Variants in THEMIS observed in about 807,000 individuals in gnomAD.
THEMIS encodes protein THEMIS.
THEMIS carries 37 observed loss-of-function variants against 52.6 expected under a neutral mutation model. That is an observed-to-expected ratio of 0.70 (90% CI 0.54 to 0.93). The LOEUF is 0.93. Among genes scored for constraint, THEMIS ranks in the 40% least tolerant of loss-of-function variants. The probability of loss-of-function intolerance (pLI) is 0.00; values close to 1 mark genes in which losing one functional copy is unlikely to be tolerated. For missense variants in THEMIS, 808 were observed against 763.1 expected (o/e 1.06, Z -0.69); for synonymous variants, 292 against 272.7 (o/e 1.07, Z -0.70).
chr6:127,911,550 CAT>C (rs1294422538), intron 1 of THEMIS, among the ~76,000 whole-genome samples: 3 of 151,268 alleles, frequency 2.0e-5, no homozygotes, highest in Non-Finnish European at 4.4e-5. Flanking sequence ...TATACACACA[CAT>C]ATAAATATTT....
downstream of THEMIS, among the ~76,000 whole-genome samples, chr6:127,704,592 A>AACATTGTAT (rs1216627424): frequency 6.6e-6 from 1 of 152,224 alleles, no homozygotes; most frequent in Non-Finnish European, 1.5e-5. Flanking sequence ...ATGACAATAG[A>AACATTGTAT]ACATTGTATA....
rs376271909 is a variant in THEMIS at position 127,870,552 on chromosome 6, A to T, written c.92-15364T>A. Among the ~76,000 whole-genome samples, 83 of 152,308 alleles carry T rather than the reference A, an allele frequency of 5.4e-4. 1 individual carries two copies. Among genetic ancestry groups the T allele is most frequent in the African/African-American group, 1.9e-3 (79 of 41,578 alleles). Reference sequence around the variant, plus strand: ...TAAATACGTTTTTTTAAAAACAAAGATTGGTAGAGTGGATTAAAAAACATA... The same window carrying T: ...TAAATACGTTTTTTTAAAAACAAAGTTTGGTAGAGTGGATTAAAAAACATA... On this transcript the variant is annotated intron_variant, in intron 1 of 5. Coordinates refer to ENST00000368248, the MANE Select transcript of THEMIS (RefSeq NM_001010923.3).
the THEMIS span, among the ~76,000 whole-genome samples, chr6:127,700,593 C>T: frequency 6.6e-6 from 1 of 151,886 alleles, no homozygotes; most frequent in African/African-American, 2.4e-5. Context: ...TACTTCTTAT[C>T]TTTTATTAGC....
At chr6:127,698,166 T>C in the THEMIS span, among the ~76,000 whole-genome samples, 1 of 152,270 alleles carries the variant, frequency 6.6e-6, no homozygotes, top group East Asian at 1.9e-4. Context: ...AACTTGATCT[T>C]ATGAAATTTT....
intron 4 of THEMIS, among the ~76,000 whole-genome samples, chr6:127,796,015 T>C (rs115584450): frequency 0.013 from 2,003 of 152,308 alleles, 46 homozygotes; most frequent in African/African-American, 0.046. Flanking sequence ...CACTCCATAC[T>C]ATATGCAAAA....
At chr6:127,845,680 T>A (rs1205606279) in intron 2 of THEMIS, among the ~76,000 whole-genome samples, 5 of 151,996 alleles carry the variant, frequency 3.3e-5, no homozygotes, top group African/African-American at 1.2e-4. Flanking sequence ...TTTGAACTCA[T>A]TATTGGGGAA....
intron 5 of THEMIS, among the ~76,000 whole-genome samples, chr6:127,718,758 T>A (rs552557139): frequency 6.6e-6 from 1 of 152,070 alleles, no homozygotes; most frequent in East Asian, 1.9e-4. Flanking sequence ...CTTTACAGAA[T>A]TTCATTTTTC....
At chr6:127,857,090 C>T (rs935006078) in intron 1 of THEMIS, among the ~76,000 whole-genome samples, 1 of 150,352 alleles carries the variant, frequency 6.7e-6, no homozygotes, top group African/African-American at 2.4e-5. Context: ...AAAAAACCTA[C>T]TATGTTGGCG....
At chr6:127,903,749 A>AAAG (rs113698228), upstream of THEMIS, among the ~76,000 whole-genome samples, 17 of 151,654 alleles carry the variant, frequency 1.1e-4, no homozygotes, top group African/African-American at 3.4e-4. Context: ...AAAAAAAAAA[A>AAAG]GCACATCCTT....
Position 127,892,081 on chromosome 6 carries a change from G to A in THEMIS, c.91+8761C>T, listed in dbSNP as rs768310253. 2.6e-5 allele frequency among the ~76,000 whole-genome samples: 4 copies of A among 152,062 alleles called. No individual in the cohort carries two copies. In the East Asian group the frequency reaches 5.8e-4, roughly 22 times the overall value. Reference sequence around the variant, plus strand: ...GACCACATTAGTTTACAGGTCCTACGGGTTTCCCAGCCCCACTCTGTACCA... The same window carrying A: ...GACCACATTAGTTTACAGGTCCTACAGGTTTCCCAGCCCCACTCTGTACCA... On this transcript the variant is annotated intron_variant, in intron 1 of 5. Coordinates refer to ENST00000368248, the MANE Select transcript of THEMIS (RefSeq NM_001010923.3).
chr6:127,833,254 G>A (rs1055404148), intron 2 of THEMIS, among the ~76,000 whole-genome samples: 2 of 151,812 alleles, frequency 1.3e-5, no homozygotes, highest in Non-Finnish European at 2.9e-5. Context: ...TGAATCTTAG[G>A]TTTTGAGTGA....
intron 1 of THEMIS, among the ~76,000 whole-genome samples, chr6:127,909,367 G>A (rs1041137607): frequency 3.9e-5 from 6 of 152,006 alleles, no homozygotes; most frequent in Admixed American, 3.3e-4. Context: ...GAATCATGGG[G>A]GCAGTTTCAT....
At chr6:127,834,295 G>A (rs1464477806) in intron 2 of THEMIS, among the ~76,000 whole-genome samples, 4 of 151,956 alleles carry the variant, frequency 2.6e-5, no homozygotes, top group Non-Finnish European at 4.4e-5. Context: ...TTGGGGCCAG[G>A]CGTGGTGAGT....
intron 1 of THEMIS, among the ~76,000 whole-genome samples, chr6:127,877,404 G>A (rs372062465): frequency 6.6e-5 from 10 of 152,210 alleles, no homozygotes; most frequent in Middle Eastern, 3.4e-3. Flanking sequence ...GGCTTTTGAC[G>A]TTCCTTCCAC....
At chr6:127,761,450 T>A (rs1776018045) in intron 4 of THEMIS, among the ~76,000 whole-genome samples, 1 of 152,190 alleles carries the variant, frequency 6.6e-6, no homozygotes, top group African/African-American at 2.4e-5. Flanking sequence ...GGACTCCACA[T>A]GTGAAGATAG....
intron 2 of THEMIS, among the ~76,000 whole-genome samples, chr6:127,847,201 G>A (rs1344869959): frequency 1.3e-5 from 2 of 151,928 alleles, no homozygotes; most frequent in East Asian, 1.9e-4. Flanking sequence ...AAAGTTGAAA[G>A]CATTCCCACT....
chr6:127,874,352 G>C (rs1449232579), intron 1 of THEMIS, among the ~76,000 whole-genome samples: 6 of 152,146 alleles, frequency 3.9e-5, no homozygotes, highest in Non-Finnish European at 7.4e-5. Context: ...TCTCAACTGT[G>C]ACTAGCACCA....
At chr6:127,885,010 A>T (rs1780602924) in intron 1 of THEMIS, among the ~76,000 whole-genome samples, 1 of 151,934 alleles carries the variant, frequency 6.6e-6, no homozygotes. Context: ...ACCTCCTTTA[A>T]CCTAATCACT....
chr6:127,724,372 A>G (rs1014900056), intron 4 of THEMIS, among the ~76,000 whole-genome samples: 4 of 152,126 alleles, frequency 2.6e-5, no homozygotes, highest in Non-Finnish European at 4.4e-5. Flanking sequence ...GTGTAAACAC[A>G]GTGGCCCCTA....
Sources: gnomAD v4.1 joint callset for allele counts (sites outside exome capture counted in the v4.1 genomes callset) on GRCh38, gnomAD v4.1.1 for gene constraint, MANE v1.5 for transcripts, NCBI Gene and HGNC (gene_info 2026-07-23, HGNC 2026-07-21) for gene names.